The following ORAI3 variants were observed in gnomAD, a reference collection of about 807,000 sequenced individuals.
The protein encoded by ORAI3 is protein orai-3.
In ORAI3, 15 loss-of-function variants were observed where a neutral mutation model predicts 17.2. That is an observed-to-expected ratio of 0.87 (90% CI 0.58 to 1.34). ORAI3 has a LOEUF of 1.34. ORAI3 is among the 40% of genes most tolerant of loss of function. ORAI3 has a pLI of 0.00. For synonymous variants in ORAI3, 178 were observed against 172.4 expected, an observed-to-expected ratio of 1.03 and a Z score of -0.25; for missense variants, 405 against 396.7, an observed-to-expected ratio of 1.02 and a Z score of -0.18.
chr16:30,954,039 AT>A lies in ORAI3; in HGVS notation c.*199del. 1.4e-6 allele frequency: 1 copy of A among 721,726 alleles called. No homozygotes were observed. Among genetic ancestry groups the A allele is most frequent in the Non-Finnish European group, 2.5e-6 (1 of 402,672 alleles). The allele number at this position is 721,726 out of a possible 1,614,324, so 44.7% of individuals were successfully genotyped here. The stretch of plus-strand genomic sequence containing the variant: ...TGGGGCAGCTCCCACATTCCCAGGG[AT>A]TTTCCCCATCAGTCTGTCCCTTGGG... On this transcript the variant is annotated 3_prime_UTR_variant, in exon 2 of 2. Coordinates refer to ENST00000318663, the MANE Select transcript of ORAI3 (RefSeq NM_152288.3).
Position 30,953,373 on chromosome 16 carries a change from A to G in ORAI3, c.417A>G (p.Pro139=), listed in dbSNP as rs902367525. The change falls in exon 2 of 2, where the codon CCA becomes CCG. Residue 139 remains proline, a synonymous_variant. Transcript: ENST00000318663. The part of the protein sequence containing the change: ...IHNLNSVHQS[P]HQRLHRYVEL... Reference sequence around the variant, plus strand: ...ACCTCAACTCTGTCCACCAGTCGCCACACCAGAGACTGCACCGCTACGTGG... The same window carrying G: ...ACCTCAACTCTGTCCACCAGTCGCCGCACCAGAGACTGCACCGCTACGTGG... The G allele has an allele frequency of 6.2e-6, 10 of 1,614,094 alleles. No individual in the cohort carries two copies. The highest frequency in any genetic ancestry group is 1.1e-5 in the South Asian group (1 of 91,088).
At chr16:30,950,361 G>A (rs550498852) in intron 1 of ORAI3, among the ~76,000 whole-genome samples, 5 of 152,338 alleles carry the variant, frequency 3.3e-5, no homozygotes, top group South Asian at 2.1e-4. Context: ...AGCAGGTCAC[G>A]TACCAAGGAT....
At chr16:30,951,962 G>A (rs574320778) in intron 1 of ORAI3, among the ~76,000 whole-genome samples, 1 of 152,250 alleles carries the variant, frequency 6.6e-6, no homozygotes, top group South Asian at 2.1e-4. Context: ...ACAGTGTGCC[G>A]ATTTGTAAAC....
At position 30,953,524 on chromosome 16, in the gene ORAI3, AC is replaced by A. The variant is rs1249910402; in HGVS notation, c.569del (p.Thr190AsnfsTer93). On this transcript the variant is annotated frameshift_variant, in exon 2 of 2. Coordinates refer to ENST00000318663, the MANE Select transcript of ORAI3 (RefSeq NM_152288.3). LOFTEE classifies it high-confidence loss of function. ...GGACACACCGACCCCCATGGTGCCC[AC>A]ATCCCGGGTGCCCGGGACTCTGGCA... ...PLDTPTPMVP[T>X]SRVPGTLAPV... The A allele has an allele frequency of 6.2e-7, 1 of 1,614,236 alleles. No homozygotes were observed. Among genetic ancestry groups the A allele is most frequent in the Non-Finnish European group, 8.5e-7 (1 of 1,180,014 alleles).
rs1458758841 is a variant in ORAI3, at chr16:30,949,190, G to C, written c.-100G>C. The stretch of plus-strand genomic sequence containing the variant: ...CCGCCGCCTGCATCCTGCTCGTCCT[G>C]TCTGGGAATGGGGCCGCCCCCGGGC... On this transcript the variant is annotated 5_prime_UTR_variant, in exon 1 of 2. Coordinates refer to ENST00000318663, the MANE Select transcript of ORAI3 (RefSeq NM_152288.3). The C allele has an allele frequency of 7.3e-6, 6 of 820,968 alleles. No homozygotes were observed. The highest frequency in any genetic ancestry group is 1.8e-5 in the African/African-American group (1 of 54,730). The allele number at this position is 820,968 out of a possible 1,614,324, so 50.9% of individuals were successfully genotyped here.
In ORAI3 at chr16:30,954,122, A is replaced by T. The variant is rs2055939891; in HGVS notation, c.*278A>T. On this transcript the variant is annotated 3_prime_UTR_variant, in exon 2 of 2. Coordinates refer to ENST00000318663, the MANE Select transcript of ORAI3 (RefSeq NM_152288.3). Reference sequence around the variant, plus strand: ...TCAGTTGAAGGATCATGCAGTAGATAGAGGGGAGGCAGGGAGAGCTTGTGG... The same window carrying T: ...TCAGTTGAAGGATCATGCAGTAGATTGAGGGGAGGCAGGGAGAGCTTGTGG... 1.4e-6 allele frequency: 1 copy of T among 702,578 alleles called. No homozygotes were observed. Among genetic ancestry groups the T allele is most frequent in the African/African-American group, 1.7e-5 (1 of 57,250 alleles). The allele number at this position is 702,578 out of a possible 1,614,324, so 43.5% of individuals were successfully genotyped here. A position where few individuals can be genotyped will look rare whatever the true frequency, so the allele number is the denominator to read the frequency against.
Position 30,953,747 on chromosome 16 carries a change from T to C in ORAI3, c.791T>C (p.Leu264Pro), listed in dbSNP as rs1270394346. ...GGGCTCGTGTTTGTGGCCTTTGCCC[T>C]GCATTTCTACCGCTCCTTGGTGGCA... Reference protein sequence around the residue: ...PVGLVFVAFALHFYRSLVAHK... With the variant: ...PVGLVFVAFAPHFYRSLVAHK... The change falls in exon 2 of 2, where the codon CTG becomes CCG. Residue 264 changes from leucine to proline, a missense_variant. Coordinates refer to ENST00000318663, the MANE Select transcript of ORAI3 (RefSeq NM_152288.3). The C allele has an allele frequency of 1.2e-6, 2 of 1,614,152 alleles. No homozygotes were observed. The highest frequency in any genetic ancestry group is 4.5e-5 in the East Asian group (2 of 44,864).
In ORAI3 at chr16:30,949,184, CGT is replaced by C; in HGVS notation, c.-105_-104del. ...GGGCGCCCGCCGCCTGCATCCTGCT[CGT>C]CCTGTCTGGGAATGGGGCCGCCCCC... On this transcript the variant is annotated 5_prime_UTR_variant, in exon 1 of 2. Transcript: ENST00000318663. 1.4e-6 allele frequency: 1 copy of C among 737,322 alleles called. No individual in the cohort carries two copies. The allele number at this position is 737,322 out of a possible 1,614,324, so 45.7% of individuals were successfully genotyped here.
In ORAI3 at chr16:30,953,167, C is replaced by G. The variant is rs778288591; in HGVS notation, c.229-18C>G. On this transcript the variant is annotated intron_variant, in intron 1 of 1. Coordinates refer to ENST00000318663, the MANE Select transcript of ORAI3 (RefSeq NM_152288.3). Reference sequence around the variant, plus strand: ...TGAGGTTATGGGGAGATCAGTACATCCCCTCTTGTCCCTGCAGGTGGCCAT... The same window carrying G: ...TGAGGTTATGGGGAGATCAGTACATGCCCTCTTGTCCCTGCAGGTGGCCAT... 6.4e-7 allele frequency: 1 copy of G among 1,559,844 alleles called. No individual in the cohort carries two copies. The highest frequency in any genetic ancestry group is 1.2e-5 in the South Asian group (1 of 81,094).
Position 30,953,599 on chromosome 16 carries a change from G to T in ORAI3, c.643G>T (p.Ala215Ser), listed in dbSNP as rs1208838768. 6.2e-7 allele frequency: 1 copy of T among 1,614,096 alleles called. No homozygotes were observed. Among genetic ancestry groups the T allele is most frequent in the Non-Finnish European group, 8.5e-7 (1 of 1,180,044 alleles). Residue 215 changes from alanine (A) to serine (S), a missense_variant, in exon 2 of 2, where the codon GCG becomes TCG. Transcript: ENST00000318663. ...AGCTTCCAATCTCCCACGGTCCTCTGCGTCTGCAGCACCGTCCCAAGCTGA... is the reference window on the plus strand; with the variant it reads ...AGCTTCCAATCTCCCACGGTCCTCTTCGTCTGCAGCACCGTCCCAAGCTGA... ...SPASNLPRSSASAAPSQAEPA... is the reference protein window; with the variant it reads ...SPASNLPRSSSSAAPSQAEPA...
Position 30,953,336 on chromosome 16 carries a change from G to A in ORAI3, c.380G>A (p.Ser127Asn). The A allele has an allele frequency of 6.2e-7, 1 of 1,614,170 alleles. No individual in the cohort carries two copies. Among genetic ancestry groups the A allele is most frequent in the Non-Finnish European group, 8.5e-7 (1 of 1,179,996 alleles). ...CTGCTGCCCCACATTGAAGCTGTGAGCAACATCCACAACCTCAACTCTGTC... is the reference window on the plus strand; with the variant it reads ...CTGCTGCCCCACATTGAAGCTGTGAACAACATCCACAACCTCAACTCTGTC... ...TCLLPHIEAV[S>N]NIHNLNSVHQ... The change falls in exon 2 of 2, where the codon AGC becomes AAC. Residue 127 changes from serine (S) to asparagine (N), a missense_variant. By Grantham distance (46) the Ser-to-Asn change is conservative (BLOSUM62 1). Transcript: ENST00000318663.
chr16:30,953,557 G>A lies in ORAI3; in HGVS notation c.601G>A (p.Ala201Thr), dbSNP rs1164102456. Residue 201 changes from alanine to threonine, a missense_variant, in exon 2 of 2, where the codon GCT (alanine) becomes ACT (threonine). Transcript: ENST00000318663. ...SRVPGTLAPV[A>T]TSLSPASNLP... is the part of the protein sequence containing the mutation. ...GGTGCCCGGGACTCTGGCACCAGTG[G>A]CTACCTCCCTTAGTCCAGCTTCCAA... 1 of 1,614,208 alleles carries A rather than the reference G, an allele frequency of 6.2e-7. No individual in the cohort carries two copies. The highest frequency in any genetic ancestry group is 2.2e-5 in the East Asian group (1 of 44,876).
At chr16:30,950,489 T>A (rs1291488092) in intron 1 of ORAI3, among the ~76,000 whole-genome samples, 2 of 151,998 alleles carry the variant, frequency 1.3e-5, no homozygotes, top group African/African-American at 2.4e-5. Context: ...TGCCCCACCA[T>A]CACCCCAGGA....
rs1380698600 is a variant in ORAI3, at chr16:30,949,487, C to T, written c.198C>T (p.Arg66=). ...LSRAKLKASS[R]TSALLSGFAM... ...GGGCCAAGCTCAAAGCTTCCAGCCG[C>T]ACGTCTGCCTTGCTCTCGGGCTTCG... is the stretch of plus-strand genomic sequence containing the variant. Residue 66 remains arginine (R), a synonymous_variant, in exon 1 of 2, where the codon CGC becomes CGT. Coordinates refer to ENST00000318663, the MANE Select transcript of ORAI3 (RefSeq NM_152288.3). 1 of 1,605,236 alleles carries T rather than the reference C, an allele frequency of 6.2e-7. No individual in the cohort carries two copies. Among genetic ancestry groups the T allele is most frequent in the East Asian group, 2.3e-5 (1 of 44,330 alleles).
At position 30,953,618 on chromosome 16, in the gene ORAI3, A is replaced by G. The variant is rs2143420920; in HGVS notation, c.662A>G (p.Gln221Arg). The change falls in exon 2 of 2, where the codon CAA (glutamine) becomes CGA (arginine). Residue 221 changes from glutamine (Q) to arginine (R), a missense_variant. Transcript: ENST00000318663. Reference protein sequence around the residue: ...PRSSASAAPSQAEPACPPRQA... With the variant: ...PRSSASAAPSRAEPACPPRQA... ...TCCTCTGCGTCTGCAGCACCGTCCC[A>G]AGCTGAGCCAGCCTGCCCACCCCGG... 4 of 1,613,742 alleles carry G rather than the reference A, an allele frequency of 2.5e-6. No homozygotes were observed. Among genetic ancestry groups the G allele is most frequent in the East Asian group, 4.5e-5 (2 of 44,860 alleles).
chr16:30,949,704 C>T (rs2055914025), intron 1 of ORAI3, 187 bp downstream of exon 1: 1 of 578,186 alleles, frequency 1.7e-6, no homozygotes, highest in South Asian at 2.2e-5. Context: ...CAGGGGACCC[C>T]AGGAGACGGG....
Position 30,953,611 on chromosome 16 carries a change from C to T in ORAI3, c.655C>T (p.Pro219Ser). Residue 219 changes from proline to serine, a missense_variant, in exon 2 of 2, where the codon CCG (proline) becomes TCG (serine). Coordinates refer to ENST00000318663, the MANE Select transcript of ORAI3 (RefSeq NM_152288.3). The part of the protein sequence containing the change: ...NLPRSSASAA[P>S]SQAEPACPPR... ...CCCACGGTCCTCTGCGTCTGCAGCA[C>T]CGTCCCAAGCTGAGCCAGCCTGCCC... The T allele has an allele frequency of 1.2e-6, 2 of 1,614,212 alleles. No homozygotes were observed. The highest frequency in any genetic ancestry group is 2.2e-5 in the South Asian group (2 of 91,088).
In ORAI3 at chr16:30,953,998, C is replaced by T. The variant is rs1437183512; in HGVS notation, c.*154C>T. On this transcript the variant is annotated 3_prime_UTR_variant, in exon 2 of 2. Coordinates refer to ENST00000318663, the MANE Select transcript of ORAI3 (RefSeq NM_152288.3). ...GAGTTCAGATTCCTGCCCGCAGGGT[C>T]CTCTGGGCTGGGCCTTGGGGCAGCT... is the stretch of plus-strand genomic sequence containing the variant. The T allele has an allele frequency of 1.0e-5, 9 of 867,036 alleles. No individual in the cohort carries two copies. Among genetic ancestry groups the T allele is most frequent in the African/African-American group, 1.7e-5 (1 of 60,274 alleles). 53.7% of individuals were successfully genotyped at this position (867,036 alleles called of 1,614,324 possible). A position where few individuals can be genotyped will look rare whatever the true frequency, so the allele number is the denominator to read the frequency against.
In ORAI3 at chr16:30,954,039, A is replaced by G. The variant is rs909440299; in HGVS notation, c.*195A>G. On this transcript the variant is annotated 3_prime_UTR_variant, in exon 2 of 2. Coordinates refer to ENST00000318663, the MANE Select transcript of ORAI3 (RefSeq NM_152288.3). ...TGGGGCAGCTCCCACATTCCCAGGG[A>G]TTTTCCCCATCAGTCTGTCCCTTGG... 2 of 721,726 alleles carry G rather than the reference A, an allele frequency of 2.8e-6. No individual in the cohort carries two copies. Among genetic ancestry groups the G allele is most frequent in the Non-Finnish European group, 5.0e-6 (2 of 402,672 alleles). 44.7% of individuals were successfully genotyped at this position (721,726 alleles called of 1,614,324 possible). A position where few individuals can be genotyped will look rare whatever the true frequency, so the allele number is the denominator to read the frequency against.
Sources: allele counts gnomAD v4.1 joint callset (sites outside exome capture counted in the v4.1 genomes callset), GRCh38; gene constraint gnomAD v4.1.1; transcripts MANE v1.5; gene names NCBI Gene and HGNC (gene_info 2026-07-23, HGNC 2026-07-21).